The following BACE2 variants were observed in gnomAD, a reference collection of about 807,000 sequenced individuals.
BACE2 encodes 56 kDa aspartic-like protease.
Under a neutral mutation model 46.2 loss-of-function variants are expected in BACE2, and 17 were observed. That is an observed-to-expected ratio of 0.37 (90% confidence interval 0.25 to 0.55). The LOEUF (loss-of-function observed/expected upper bound fraction) is 0.55, where lower values mean the gene tolerates loss of function less well. Ranked by LOEUF, BACE2 falls within the 20% of genes least tolerant of loss-of-function variation. The pLI, the probability that BACE2 is intolerant of heterozygous loss-of-function variation, is 0.82. For synonymous variants in BACE2, 277 were observed against 295.9 expected (o/e 0.94, Z 0.66); for missense variants, 595 against 698.1 (o/e 0.85, Z 1.66).
chr21:41,213,235 TAAA>T (rs1986352746), intron 1 of BACE2, among the ~76,000 whole-genome samples: 2 of 152,116 alleles, frequency 1.3e-5, no homozygotes, highest in South Asian at 4.2e-4. Context: ...TAGAGGACAA[TAAA>T]AGACACGAGA....
At chr21:41,206,504 TG>T (rs1482712695) in intron 1 of BACE2, among the ~76,000 whole-genome samples, 6 of 152,244 alleles carry the variant, frequency 3.9e-5, no homozygotes, top group African/African-American at 1.4e-4. Flanking sequence ...GGATGAACCT[TG>T]AAGACCTTAT....
intron 8 of BACE2, among the ~76,000 whole-genome samples, chr21:41,258,527 A>G (rs964058151): frequency 1.6e-4 from 25 of 152,218 alleles, no homozygotes; most frequent in Non-Finnish European, 8.8e-5. Flanking sequence ...TTCAGTTACT[A>G]TTTTTTAATA....
At chr21:41,225,702 A>G (rs968380481) in intron 1 of BACE2, 1 of 152,642 alleles carries the variant, frequency 6.6e-6, no homozygotes, top group African/African-American at 2.4e-5. Context: ...CCAGGTGAGC[A>G]TTTAAGATCT....
rs373983938 is a variant in BACE2, at chr21:41,221,653, G to A, written c.313-4613G>A. On this transcript the variant is annotated intron_variant, in intron 1 of 8. Transcript: ENST00000330333. ...ATCCTGGCTAACACGGTGAAACCCC[G>A]TCTCTACTAAAAAAATACAAAAAAA... 6.6e-3 allele frequency among the ~76,000 whole-genome samples: 1,003 copies of A among 152,036 alleles called. 8 individuals carry two copies. The highest frequency in any genetic ancestry group is 0.021 in the African/African-American group (886 of 41,466).
intron 1 of BACE2, among the ~76,000 whole-genome samples, chr21:41,220,437 C>T (rs1986608587): frequency 6.6e-6 from 1 of 152,172 alleles, no homozygotes; most frequent in Non-Finnish European, 1.5e-5. Context: ...GTGACCAGCC[C>T]CCATCCCGAA....
chr21:41,265,612 T>C (rs1988047872), intron 8 of BACE2, among the ~76,000 whole-genome samples: 1 of 152,228 alleles, frequency 6.6e-6, no homozygotes, highest in Non-Finnish European at 1.5e-5. Flanking sequence ...TTCTATGAAC[T>C]ACCCACTCAT....
rs764788940 is a variant in BACE2 at position 41,250,918 on chromosome 21, G to A, written c.1134+17G>A. The A allele has an allele frequency of 1.2e-6, 2 of 1,612,828 alleles. No individual in the cohort carries two copies. The highest frequency in any genetic ancestry group is 2.2e-5 in the East Asian group (1 of 44,876). On this transcript the variant is annotated intron_variant, in intron 7 of 8. Coordinates refer to ENST00000330333, the MANE Select transcript of BACE2 (RefSeq NM_012105.5). ...CTGCCTCAGGTATGAACTTGGATTTGTGCTTTGCTCTTTTTATCATGCAAA... is the reference window on the plus strand; with the variant it reads ...CTGCCTCAGGTATGAACTTGGATTTATGCTTTGCTCTTTTTATCATGCAAA...
intron 1 of BACE2, among the ~76,000 whole-genome samples, chr21:41,189,291 T>C (rs1985485764): frequency 6.6e-6 from 1 of 152,182 alleles, no homozygotes; most frequent in Non-Finnish European, 1.5e-5. Flanking sequence ...GCCTGTTCTC[T>C]CTTCTTGGAC....
chr21:41,235,852 A>AT (rs1987102818), intron 2 of BACE2, among the ~76,000 whole-genome samples: 1 of 147,048 alleles, frequency 6.8e-6, no homozygotes, highest in African/African-American at 2.6e-5. Flanking sequence ...AAAAGAAATA[A>AT]TAAATGAATG....
rs1031053122 is a variant in BACE2, at chr21:41,226,746, G to A, written c.401+392G>A. Among the ~76,000 whole-genome samples the A allele has an allele frequency of 5.3e-5, 8 of 152,348 alleles. No individual in the cohort carries two copies. The East Asian group carries it at 9.6e-4, about 18-fold the overall frequency. On this transcript the variant is annotated intron_variant, in intron 2 of 8. Transcript: ENST00000330333. The stretch of plus-strand genomic sequence containing the variant: ...GGGAGTCTGTGAGGCCACTCTGGCC[G>A]AGGGTGTGGGTTTGCTTCCTCAGCT...
intron 1 of BACE2, among the ~76,000 whole-genome samples, chr21:41,224,956 T>C (rs1007839389): frequency 1.2e-4 from 18 of 152,324 alleles, no homozygotes; most frequent in Non-Finnish European, 2.2e-4. Flanking sequence ...TCTAGTCGGC[T>C]GGGTGCGGTG....
intron 8 of BACE2, among the ~76,000 whole-genome samples, chr21:41,257,773 G>T (rs368961606): frequency 1.3e-5 from 2 of 152,166 alleles, no homozygotes; most frequent in African/African-American, 2.4e-5. Flanking sequence ...AGACCAAGGA[G>T]CCCCTGTTTC....
rs1414402776 is a variant in BACE2, at chr21:41,280,975, G to C, written c.*5351G>C. 6.6e-6 allele frequency: 1 copy of C among 152,272 alleles called. No individual in the cohort carries two copies. The highest frequency in any genetic ancestry group is 1.5e-5 in the Non-Finnish European group (1 of 68,068). The allele number at this position is 152,272 out of a possible 1,614,324, so 9.4% of individuals were successfully genotyped here. On this transcript the variant is annotated 3_prime_UTR_variant, in exon 9 of 9. Coordinates refer to ENST00000330333, the MANE Select transcript of BACE2 (RefSeq NM_012105.5). ...ATTTGAATCCAGCCACGGCAAGAGC[G>C]ACGTGCGGGTACCTGGTCCCTGATG...
intron 4 of BACE2, among the ~76,000 whole-genome samples, chr21:41,243,073 C>G (rs1987352949): frequency 6.6e-6 from 1 of 152,050 alleles, no homozygotes; most frequent in African/African-American, 2.4e-5. Flanking sequence ...GCCACCTTGC[C>G]CGGCTAATTT....
In BACE2 at chr21:41,215,737, C is replaced by T. The variant is rs73366407; in HGVS notation, c.313-10529C>T. Among the ~76,000 whole-genome samples, 891 of 152,306 alleles carry T rather than the reference C, an allele frequency of 5.9e-3. 12 individuals carry two copies. The highest frequency in any genetic ancestry group is 0.021 in the African/African-American group (860 of 41,562). Reference sequence around the variant, plus strand: ...CACATCTCCAAGGCGTTTCTGTTTTCCTCAGATGTAAAGTGGGGATCTGTC... The same window carrying T: ...CACATCTCCAAGGCGTTTCTGTTTTTCTCAGATGTAAAGTGGGGATCTGTC... On this transcript the variant is annotated intron_variant, in intron 1 of 8. Coordinates refer to ENST00000330333, the MANE Select transcript of BACE2 (RefSeq NM_012105.5).
chr21:41,265,832 G>T (rs1988053538), intron 8 of BACE2, among the ~76,000 whole-genome samples: 1 of 151,940 alleles, frequency 6.6e-6, no homozygotes, highest in Non-Finnish European at 1.5e-5. Context: ...TTGCTTTAAG[G>T]GTCTTGGGAC....
chr21:41,242,837 A>T (rs1021926479), intron 4 of BACE2, among the ~76,000 whole-genome samples: 1 of 152,232 alleles, frequency 6.6e-6, no homozygotes, highest in African/African-American at 2.4e-5. Flanking sequence ...TCTTGATTAG[A>T]TGAGGGCCTA....
At chr21:41,192,764 C>G (rs1010659916) in intron 1 of BACE2, among the ~76,000 whole-genome samples, 1 of 152,204 alleles carries the variant, frequency 6.6e-6, no homozygotes, top group African/African-American at 2.4e-5. Context: ...GTTCTGGACT[C>G]CACTCAAAAT....
chr21:41,251,539 G>A (rs1229297265), intron 7 of BACE2, among the ~76,000 whole-genome samples: 1 of 152,236 alleles, frequency 6.6e-6, no homozygotes, highest in Non-Finnish European at 1.5e-5. Context: ...GGTGGCTCAC[G>A]CCTGTAATCC....
Sources: allele counts gnomAD v4.1 joint callset (sites outside exome capture counted in the v4.1 genomes callset), GRCh38; gene constraint gnomAD v4.1.1; transcripts MANE v1.5; gene names NCBI Gene and HGNC (gene_info 2026-07-23, HGNC 2026-07-21).